The following CLMP variants were observed in gnomAD, a reference collection of about 807,000 sequenced individuals.
CLMP encodes CXADR-like membrane protein.
Under a neutral mutation model 45.2 loss-of-function variants are expected in CLMP, and 27 were observed. The observed-to-expected ratio is 0.60, with a 90% confidence interval of 0.44 to 0.82. The LOEUF is 0.82. CLMP is among the 40% of genes least tolerant of loss of function. The probability of loss-of-function intolerance (pLI) is 0.00; values close to 1 mark genes in which losing one functional copy is unlikely to be tolerated. For missense variants in CLMP, 403 were observed against 448.4 expected (o/e 0.90, Z 0.91); for synonymous variants, 167 against 171.4 (o/e 0.97, Z 0.20).
rs563078472 is a variant in CLMP, at chr11:123,195,041, C to A, written c.-101G>T. The A allele has an allele frequency of 2.3e-5, 27 of 1,195,896 alleles. No individual in the cohort carries two copies. The highest frequency in any genetic ancestry group is 2.6e-4 in the Middle Eastern group (1 of 3,918). 74.1% of individuals were successfully genotyped at this position (1,195,896 alleles called of 1,614,324 possible). A position where few individuals can be genotyped will look rare whatever the true frequency, so the allele number is the denominator to read the frequency against. Reference sequence around the variant, plus strand: ...CTCGGGCGAGCTGGGCGCGGCGCCTCGGGGTGCGCGCGAGGTGGCTGCAGC... The same window carrying A: ...CTCGGGCGAGCTGGGCGCGGCGCCTAGGGGTGCGCGCGAGGTGGCTGCAGC... On this transcript the variant is annotated 5_prime_UTR_variant, in exon 1 of 7. Coordinates refer to ENST00000448775, the MANE Select transcript of CLMP (RefSeq NM_024769.5).
intron 5 of CLMP, 42 bp from the exon 6 acceptor site, chr11:123,074,885 A>T: frequency 6.3e-7 from 1 of 1,599,432 alleles, no homozygotes; most frequent in Non-Finnish European, 8.5e-7. Flanking sequence ...ACCAAACGTA[A>T]GCTAGGAAAT....
chr11:123,089,298 T>C (rs1017688551), intron 2 of CLMP, among the ~76,000 whole-genome samples: 11 of 151,896 alleles, frequency 7.2e-5, no homozygotes, highest in Non-Finnish European at 1.6e-4. Flanking sequence ...GGCAGGAGAA[T>C]TGCTTGAGCC....
intron 1 of CLMP, among the ~76,000 whole-genome samples, chr11:123,105,565 G>T (rs1860531962): frequency 2.6e-5 from 4 of 151,760 alleles, no homozygotes; most frequent in Admixed American, 6.6e-5. Flanking sequence ...TGAATAGCTG[G>T]GATTACAGGC....
At chr11:123,193,593 CA>C (rs1228556024) in intron 1 of CLMP, among the ~76,000 whole-genome samples, 1 of 152,232 alleles carries the variant, frequency 6.6e-6, no homozygotes, top group Non-Finnish European at 1.5e-5. Flanking sequence ...CCACCTCTTT[CA>C]TTTCTCTAAC....
chr11:123,101,907 G>A (rs1866066594), intron 1 of CLMP, among the ~76,000 whole-genome samples: 1 of 152,192 alleles, frequency 6.6e-6, no homozygotes, highest in Non-Finnish European at 1.5e-5. Context: ...TTCCAGGCCG[G>A]GTGCGGTGGC....
intron 1 of CLMP, among the ~76,000 whole-genome samples, chr11:123,114,315 G>A (rs950537930): frequency 2.0e-5 from 3 of 151,948 alleles, no homozygotes; most frequent in South Asian, 2.1e-4. Flanking sequence ...AGCTAATAAC[G>A]AAGAGAGAAG....
intron 2 of CLMP, among the ~76,000 whole-genome samples, chr11:123,088,756 GC>G (rs1352979678): frequency 2.0e-5 from 3 of 152,120 alleles, no homozygotes; most frequent in Non-Finnish European, 4.4e-5. Context: ...CTCTCAAGTA[GC>G]CGGGATTACA....
intron 1 of CLMP, among the ~76,000 whole-genome samples, chr11:123,185,777 A>G (rs532916541): frequency 8.5e-5 from 13 of 152,270 alleles, no homozygotes; most frequent in Middle Eastern, 3.4e-3. Flanking sequence ...TAATGAGGAG[A>G]AAAAATCGCA....
intron 1 of CLMP, among the ~76,000 whole-genome samples, chr11:123,164,454 C>T (rs769956168): frequency 6.6e-6 from 1 of 152,142 alleles, no homozygotes; most frequent in Non-Finnish European, 1.5e-5. Context: ...CAGGCACGTG[C>T]CACCACGCCT....
At chr11:123,108,589 A>G (rs1475944396) in intron 1 of CLMP, among the ~76,000 whole-genome samples, 1 of 151,556 alleles carries the variant, frequency 6.6e-6, no homozygotes, top group Non-Finnish European at 1.5e-5. Flanking sequence ...GGGGAAAGGG[A>G]ATGAGGGAAA....
chr11:123,152,523 A>AAAATAAATAAAT (rs59307398), intron 1 of CLMP, among the ~76,000 whole-genome samples: 141 of 142,788 alleles, frequency 9.9e-4, no homozygotes, highest in Middle Eastern at 3.6e-3. Context: ...ACTCCATCTC[A>AAAATAAATAAAT]AAATAAATAA....
At position 123,136,235 on chromosome 11, in the gene CLMP, G is replaced by T. The variant is rs1187456032; in HGVS notation, c.29-38283C>A. 1.4e-5 allele frequency: 9 copies of T among 650,486 alleles called. No individual in the cohort carries two copies. The Admixed American group carries it at 1.7e-4, about 12-fold the overall frequency. The allele number at this position is 650,486 out of a possible 1,614,324, so 40.3% of individuals were successfully genotyped here. ...AACACCACCCATTACAATCTGGGTAGCTACTGCGTATTTTTCCACCATAGA... is the reference window on the plus strand; with the variant it reads ...AACACCACCCATTACAATCTGGGTATCTACTGCGTATTTTTCCACCATAGA... On this transcript the variant is annotated intron_variant, in intron 1 of 6. Transcript: ENST00000448775.
At chr11:123,075,200 A>T (rs11218953) in intron 5 of CLMP, among the ~76,000 whole-genome samples, 1 of 152,002 alleles carries the variant, frequency 6.6e-6, no homozygotes, top group African/African-American at 2.4e-5. Flanking sequence ...GTGATCCACC[A>T]GACTCAGCCT....
intron 1 of CLMP, among the ~76,000 whole-genome samples, chr11:123,125,237 T>G (rs565257144): frequency 2.0e-5 from 3 of 152,074 alleles, no homozygotes; most frequent in African/African-American, 7.2e-5. Context: ...TTTAAAGAAA[T>G]GCAATTTGTT....
intron 1 of CLMP, among the ~76,000 whole-genome samples, chr11:123,119,004 T>C (rs1044098241): frequency 1.5e-4 from 4 of 27,436 alleles, no homozygotes; most frequent in Non-Finnish European, 2.0e-4. Context: ...TTTCTTTCTC[T>C]CTCTCTCTCT....
At chr11:123,083,889 A>T in intron 3 of CLMP, 42 bp from the exon 4 acceptor site, 1 of 1,603,086 alleles carries the variant, frequency 6.2e-7, no homozygotes. Flanking sequence ...TGATTCAAAG[A>T]TCCCCAAACA....
chr11:123,186,950 C>T (rs1861842757), intron 1 of CLMP, among the ~76,000 whole-genome samples: 1 of 152,154 alleles, frequency 6.6e-6, no homozygotes. Context: ...CTGGTGGTCG[C>T]TGACTTCAAG....
At position 123,074,698 on chromosome 11, in the gene CLMP, T is replaced by A. The variant is rs200201428; in HGVS notation, c.821+4A>T. 1 of 1,613,904 alleles carries A rather than the reference T, an allele frequency of 6.2e-7. No individual in the cohort carries two copies. The highest frequency in any genetic ancestry group is 1.3e-5 in the African/African-American group (1 of 75,036). The stretch of plus-strand genomic sequence containing the variant: ...CCGTAAAAGTAGGGATGTGGGAGGT[T>A]TACCGAATTTCATTAGGTCTCTCTT... On this transcript the variant is annotated splice_donor_region_variant and intron_variant, in intron 6 of 6. Transcript: ENST00000448775.
chr11:123,109,870 G>T (rs1344211246), intron 1 of CLMP, among the ~76,000 whole-genome samples: 1 of 152,128 alleles, frequency 6.6e-6, no homozygotes, highest in East Asian at 1.9e-4. Flanking sequence ...AGTTTTAGAT[G>T]CTGAAAACTG....
Sources: gnomAD v4.1 joint callset for allele counts (sites outside exome capture counted in the v4.1 genomes callset) on GRCh38, gnomAD v4.1.1 for gene constraint, MANE v1.5 for transcripts, NCBI Gene and HGNC (gene_info 2026-07-23, HGNC 2026-07-21) for gene names.